Variants in FSIP1 observed in about 807,000 individuals in gnomAD.
FSIP1 encodes fibrous sheath-interacting protein 1.
FSIP1 carries 65 observed loss-of-function variants against 60.9 expected under a neutral mutation model. That is an observed-to-expected ratio of 1.07 (90% CI 0.87 to 1.31). FSIP1 has a LOEUF of 1.31. FSIP1 is among the 40% of genes most tolerant of loss of function. The pLI is 0.00. For missense variants in FSIP1, 675 were observed against 665.5 expected, an observed-to-expected ratio of 1.01 and a Z score of -0.16; for synonymous variants, 209 against 221.2, an observed-to-expected ratio of 0.94 and a Z score of 0.49.
At chr15:39,688,308 A>T (rs1894464814) in intron 10 of FSIP1, among the ~76,000 whole-genome samples, 1 of 152,152 alleles carries the variant, frequency 6.6e-6, no homozygotes, top group Admixed American at 6.5e-5. Context: ...TACTTAATAC[A>T]CCTAACCTAC....
intron 10 of FSIP1, among the ~76,000 whole-genome samples, chr15:39,692,938 G>C (rs1206036925): frequency 6.6e-6 from 1 of 152,204 alleles, no homozygotes; most frequent in Non-Finnish European, 1.5e-5. Context: ...TGGAAACCTG[G>C]GTACAAGGCA....
chr15:39,700,274 A>G (rs1478648736), intron 10 of FSIP1, among the ~76,000 whole-genome samples: 1 of 152,050 alleles, frequency 6.6e-6, no homozygotes, highest in Non-Finnish European at 1.5e-5. Flanking sequence ...CTGATTTCAC[A>G]TTTTCCACAA....
At chr15:39,626,745 C>A (rs1318697277) in intron 10 of FSIP1, among the ~76,000 whole-genome samples, 1 of 152,248 alleles carries the variant, frequency 6.6e-6, no homozygotes, top group South Asian at 2.1e-4. Context: ...TAAGGCCTCC[C>A]CAGCCATTCG....
intron 10 of FSIP1, among the ~76,000 whole-genome samples, chr15:39,676,422 AGAAGCCAGAGG>A (rs1893943758): frequency 6.6e-6 from 1 of 152,200 alleles, no homozygotes; most frequent in Non-Finnish European, 1.5e-5. Context: ...CTCCTAAATT[AGAAGCCAGAGG>A]AGCCTGGCAG....
chr15:39,744,777 T>TCA (rs55691651), intron 5 of FSIP1, among the ~76,000 whole-genome samples: 41,238 of 137,840 alleles, frequency 0.3, 6,633 homozygotes, highest in Non-Finnish European at 0.39. Flanking sequence ...TCCCCCTCAG[T>TCA]CACACACACA....
intron 10 of FSIP1, among the ~76,000 whole-genome samples, chr15:39,693,153 C>T (rs894617688): frequency 6.6e-6 from 1 of 152,168 alleles, no homozygotes. Context: ...CATGTTATTA[C>T]TAGTCGGGAA....
chr15:39,724,205 T>C (rs1371586423), intron 9 of FSIP1, among the ~76,000 whole-genome samples: 1 of 152,100 alleles, frequency 6.6e-6, no homozygotes, highest in Admixed American at 6.5e-5. Flanking sequence ...AAATGTGAAC[T>C]CTGAAAATGT....
chr15:39,762,597 G>A (rs1447378714), intron 5 of FSIP1, among the ~76,000 whole-genome samples: 1 of 152,202 alleles, frequency 6.6e-6, no homozygotes. Context: ...CCCTTCATAT[G>A]GCTTGCTTGG....
At chr15:39,727,426 T>C (rs1411696546) in intron 8 of FSIP1, among the ~76,000 whole-genome samples, 2 of 152,178 alleles carry the variant, frequency 1.3e-5, no homozygotes, top group Non-Finnish European at 2.9e-5. Context: ...GAGGATCAAC[T>C]AACCTCTGTG....
intron 11 of FSIP1, among the ~76,000 whole-genome samples, chr15:39,617,190 T>C (rs1240774351): frequency 6.6e-6 from 1 of 152,172 alleles, no homozygotes; most frequent in Non-Finnish European, 1.5e-5. Context: ...ACATAAATAA[T>C]TGAATATTTG....
chr15:39,736,735 A>G (rs1896622679), intron 8 of FSIP1, among the ~76,000 whole-genome samples: 1 of 152,224 alleles, frequency 6.6e-6, no homozygotes, highest in African/African-American at 2.4e-5. Context: ...TGTTCAAGTA[A>G]TTCACTGGGA....
intron 11 of FSIP1, chr15:39,602,308 G>T (rs1298446130): frequency 2.2e-6 from 1 of 456,148 alleles, no homozygotes; most frequent in Non-Finnish European, 4.4e-6. Flanking sequence ...GCCAGGAGAA[G>T]CTGGAAGAAG....
intron 5 of FSIP1, among the ~76,000 whole-genome samples, chr15:39,746,682 C>T (rs8033485): frequency 0.55 from 83,981 of 152,014 alleles, 23,401 homozygotes; most frequent in Admixed American, 0.61. Context: ...TTGAAAATAA[C>T]TATAAAAAAA....
intron 11 of FSIP1, among the ~76,000 whole-genome samples, chr15:39,614,501 C>T (rs1037050590): frequency 9.2e-5 from 14 of 152,030 alleles, no homozygotes; most frequent in African/African-American, 3.1e-4. Flanking sequence ...AAAAATTAGC[C>T]GGGCGTGGTG....
Position 39,600,842 on chromosome 15 carries a change from T to A in FSIP1, c.*38A>T. The A allele has an allele frequency of 6.5e-7, 1 of 1,541,454 alleles. No individual in the cohort carries two copies. Among genetic ancestry groups the A allele is most frequent in the Non-Finnish European group, 8.9e-7 (1 of 1,128,342 alleles). On this transcript the variant is annotated 3_prime_UTR_variant, in exon 12 of 12. Transcript: ENST00000350221. ...AATAAGAAATTTAATTTAACTTCAT[T>A]ACCAACTTTCTGAAAAGCACACCCA... is the stretch of plus-strand genomic sequence containing the variant.
At chr15:39,634,230 C>G (rs1026711427) in intron 10 of FSIP1, among the ~76,000 whole-genome samples, 1 of 152,198 alleles carries the variant, frequency 6.6e-6, no homozygotes, top group Non-Finnish European at 1.5e-5. Context: ...TAAGGAAAAG[C>G]CCTCTTTTGA....
In FSIP1 at chr15:39,738,073, C is replaced by G; in HGVS notation, c.891+18G>C. On this transcript the variant is annotated intron_variant, in intron 8 of 11. Coordinates refer to ENST00000350221, the MANE Select transcript of FSIP1 (RefSeq NM_152597.5). ...TCTAAATTAAGAAGTGTAGTGTTCCCTATCAGAGTTTACGTACCTCAGAAC... is the reference window on the plus strand; with the variant it reads ...TCTAAATTAAGAAGTGTAGTGTTCCGTATCAGAGTTTACGTACCTCAGAAC... 7.4e-7 allele frequency: 1 copy of G among 1,354,000 alleles called. No homozygotes were observed. The highest frequency in any genetic ancestry group is 1.0e-6 in the Non-Finnish European group (1 of 953,428). The allele number at this position is 1,354,000 out of a possible 1,614,324, so 83.9% of individuals were successfully genotyped here. A position where few individuals can be genotyped will look rare whatever the true frequency, so the allele number is the denominator to read the frequency against.
intron 10 of FSIP1, among the ~76,000 whole-genome samples, chr15:39,671,471 A>C (rs1893717435): frequency 6.6e-6 from 1 of 152,148 alleles, no homozygotes; most frequent in African/African-American, 2.4e-5. Flanking sequence ...TTAATGTTTA[A>C]TTTGGTTATA....
chr15:39,706,373 T>C (rs565594561), intron 10 of FSIP1, among the ~76,000 whole-genome samples: 18 of 152,310 alleles, frequency 1.2e-4, no homozygotes, highest in African/African-American at 4.3e-4. Flanking sequence ...CATAATGATA[T>C]CACATTTGTC....
Sources: allele counts gnomAD v4.1 joint callset (sites outside exome capture counted in the v4.1 genomes callset), GRCh38; gene constraint gnomAD v4.1.1; transcripts MANE v1.5; gene names NCBI Gene and HGNC (gene_info 2026-07-23, HGNC 2026-07-21).